The following CNTN3 variants were observed in gnomAD, a reference collection of about 807,000 sequenced individuals.
CNTN3 encodes the protein contactin 3.
In CNTN3, 60 loss-of-function variants were observed where a neutral mutation model predicts 119.1. That is an observed-to-expected ratio of 0.50 (90% CI 0.41 to 0.62). CNTN3 has a LOEUF of 0.62. CNTN3 is among the 20% of genes least tolerant of loss of function. CNTN3 has a pLI of 0.00. For missense variants in CNTN3, 1,101 were observed against 1,242.4 expected (o/e 0.89, Z 1.71); for synonymous variants, 450 against 438.7 (o/e 1.03, Z -0.32).
At chr3:74,333,391 T>C (rs2106704762) in intron 13 of CNTN3, among the ~76,000 whole-genome samples, 1 of 152,314 alleles carries the variant, frequency 6.6e-6, no homozygotes, top group African/African-American at 2.4e-5. Flanking sequence ...CTGCAAAATC[T>C]CTAAGGGGAA....
In CNTN3 at chr3:74,469,976, G is replaced by A. The variant is rs376556659; in HGVS notation, c.358+16480C>T. On this transcript the variant is annotated intron_variant, in intron 4 of 22. Transcript: ENST00000263665. ...CCTAATAATCATCAACTAATAAATCGATAAACAGCATGTGATATAGCTAAT... is the reference window on the plus strand; with the variant it reads ...CCTAATAATCATCAACTAATAAATCAATAAACAGCATGTGATATAGCTAAT... Among the ~76,000 whole-genome samples, 33 of 152,166 alleles carry A rather than the reference G, an allele frequency of 2.2e-4. No individual in the cohort carries two copies. In the East Asian group the frequency reaches 2.7e-3, roughly 12 times the overall value.
intron 1 of CNTN3, among the ~76,000 whole-genome samples, chr3:74,574,790 T>C (rs1232962766): frequency 6.6e-6 from 1 of 152,250 alleles, no homozygotes; most frequent in Admixed American, 6.5e-5. Flanking sequence ...CTGAAAAATC[T>C]ACATTACCTC....
intron 1 of CNTN3, among the ~76,000 whole-genome samples, chr3:74,572,922 G>T (rs1372691536): frequency 1.3e-5 from 2 of 152,176 alleles, no homozygotes; most frequent in African/African-American, 2.4e-5. Context: ...GTTCATGGAG[G>T]TATACATGGC....
intron 5 of CNTN3, among the ~76,000 whole-genome samples, chr3:74,407,433 T>TG (rs1282448088): frequency 2.6e-5 from 2 of 77,608 alleles, no homozygotes; most frequent in African/African-American, 9.1e-5. Context: ...CACGCCTGGC[T>TG]AATTTTTTTT....
intron 13 of CNTN3, among the ~76,000 whole-genome samples, chr3:74,325,517 A>T (rs1703107202): frequency 6.6e-6 from 1 of 152,176 alleles, no homozygotes; most frequent in South Asian, 2.1e-4. Flanking sequence ...AATTTTAAAA[A>T]AATGAAGGAA....
rs1378605643 is a variant in CNTN3 at position 74,371,217 on chromosome 3, G to T, written c.637C>A (p.Pro213Thr). Reference protein sequence around the residue: ...TNARVLGSPTPLVLRSDGVMG... With the variant: ...TNARVLGSPTTLVLRSDGVMG... ...TTACCATCAGAACGTAGCACCAAAG[G>T]AGTTGGAGAGCCCAGCACTCGGGCA... The change falls in exon 6 of 23, where the codon CCT (proline) becomes ACT (threonine). Residue 213 changes from proline (P) to threonine (T), a missense_variant. Transcript: ENST00000263665. The T allele has an allele frequency of 6.2e-7, 1 of 1,613,048 alleles. No homozygotes were observed. The highest frequency in any genetic ancestry group is 8.5e-7 in the Non-Finnish European group (1 of 1,179,382).
At chr3:74,590,968 G>T (rs1339502610) in intron 1 of CNTN3, among the ~76,000 whole-genome samples, 1 of 151,934 alleles carries the variant, frequency 6.6e-6, no homozygotes, top group African/African-American at 2.4e-5. Flanking sequence ...TTAAATGTCA[G>T]ATATGAAGAA....
intron 1 of CNTN3, among the ~76,000 whole-genome samples, chr3:74,533,691 T>G (rs1233482615): frequency 6.6e-6 from 1 of 152,014 alleles, no homozygotes; most frequent in African/African-American, 2.4e-5. Flanking sequence ...AGGTTTACCC[T>G]AAGGCTTGGG....
At position 74,361,873 on chromosome 3, in the gene CNTN3, T is replaced by C; in HGVS notation, c.1364+17A>G. Reference sequence around the variant, plus strand: ...TGAGAGGAAAGTAAATGACCACTTTTCTGGACATCAAAATACCTTTCATGC... The same window carrying C: ...TGAGAGGAAAGTAAATGACCACTTTCCTGGACATCAAAATACCTTTCATGC... On this transcript the variant is annotated intron_variant, in intron 11 of 22. Coordinates refer to ENST00000263665, the MANE Select transcript of CNTN3 (RefSeq NM_020872.3). 2 of 1,593,688 alleles carry C rather than the reference T, an allele frequency of 1.3e-6. No homozygotes were observed. The highest frequency in any genetic ancestry group is 1.7e-5 in the Admixed American group (1 of 57,168).
At chr3:74,404,903 T>C (rs557535280) in intron 5 of CNTN3, among the ~76,000 whole-genome samples, 19 of 152,138 alleles carry the variant, frequency 1.2e-4, no homozygotes, top group African/African-American at 3.6e-4. Flanking sequence ...CCAATTTCCA[T>C]AGCTAGAAGG....
intron 11 of CNTN3, among the ~76,000 whole-genome samples, chr3:74,343,234 C>G (rs2044595): frequency 0.4 from 60,354 of 152,132 alleles, 12,378 homozygotes; most frequent in East Asian, 0.66. Flanking sequence ...GGCAGACCAC[C>G]TCAGGCCCTC....
At chr3:74,415,693 T>C (rs1701508259) in intron 5 of CNTN3, among the ~76,000 whole-genome samples, 1 of 152,166 alleles carries the variant, frequency 6.6e-6, no homozygotes, top group Non-Finnish European at 1.5e-5. Context: ...AGAAAACAGC[T>C]ACAGAAATGA....
chr3:74,508,390 T>A (rs1162042901), intron 2 of CNTN3, among the ~76,000 whole-genome samples: 1 of 152,104 alleles, frequency 6.6e-6, no homozygotes, highest in Non-Finnish European at 1.5e-5. Flanking sequence ...AGTATGAAAA[T>A]GGACTATTAC....
chr3:74,443,995 G>A (rs1444947258), intron 4 of CNTN3, among the ~76,000 whole-genome samples: 1 of 152,106 alleles, frequency 6.6e-6, no homozygotes, highest in Non-Finnish European at 1.5e-5. Flanking sequence ...ACCAGAAGAG[G>A]GATTCTTCCT....
chr3:74,519,189 T>C (rs1422455076), intron 2 of CNTN3, among the ~76,000 whole-genome samples: 1 of 151,754 alleles, frequency 6.6e-6, no homozygotes, highest in Non-Finnish European at 1.5e-5. Flanking sequence ...CATGGAAACA[T>C]ATCTACATAT....
At chr3:74,316,030 A>G (rs1702823732) in intron 13 of CNTN3, among the ~76,000 whole-genome samples, 1 of 152,344 alleles carries the variant, frequency 6.6e-6, no homozygotes, top group African/African-American at 2.4e-5. Context: ...GCTTCTGCAC[A>G]GCAAGATAAA....
At chr3:74,362,618 T>C (rs1704100498) in intron 10 of CNTN3, among the ~76,000 whole-genome samples, 1 of 152,226 alleles carries the variant, frequency 6.6e-6, no homozygotes, top group Admixed American at 6.5e-5. Flanking sequence ...TAGAAAATAT[T>C]ACATTTGCTA....
At chr3:74,314,743 C>T (rs188989237) in intron 13 of CNTN3, among the ~76,000 whole-genome samples, 55 of 152,318 alleles carry the variant, frequency 3.6e-4, no homozygotes, top group African/African-American at 1.3e-3. Context: ...ACAGATCCAA[C>T]AGGCAGAAAA....
chr3:74,403,265 T>C (rs769398331), intron 5 of CNTN3, among the ~76,000 whole-genome samples: 2 of 152,120 alleles, frequency 1.3e-5, no homozygotes, highest in Non-Finnish European at 2.9e-5. Context: ...CTGTGCAATA[T>C]TTTGTTAAGA....
Sources: allele counts gnomAD v4.1 joint callset (sites outside exome capture counted in the v4.1 genomes callset), GRCh38; gene constraint gnomAD v4.1.1; transcripts MANE v1.5; gene names NCBI Gene and HGNC (gene_info 2026-07-23, HGNC 2026-07-21).